The following VPS41 variants were observed in gnomAD, a reference collection of about 807,000 sequenced individuals.
VPS41 encodes VPS41 subunit of HOPS complex, also known as vacuolar protein sorting-associated protein 41 homolog.
Under a neutral mutation model 130.9 loss-of-function variants are expected in VPS41, and 85 were observed. The observed-to-expected ratio is 0.65, with a 90% CI of 0.55 to 0.78. The LOEUF is 0.78. Ranked by LOEUF, VPS41 falls within the 30% of genes least tolerant of loss-of-function variation. The probability of loss-of-function intolerance (pLI) is 0.00; values close to 1 mark genes in which losing one functional copy is unlikely to be tolerated. For synonymous variants in VPS41, 335 were observed against 332.9 expected, an observed-to-expected ratio of 1.01 and a Z score of -0.07; for missense variants, 874 against 1,018.7, an observed-to-expected ratio of 0.86 and a Z score of 1.93.
chr7:38,869,343 T>C (rs1261431891), intron 2 of VPS41, 90 bp from the exon 3 acceptor site: 1 of 824,726 alleles, frequency 1.2e-6, no homozygotes, highest in South Asian at 1.8e-5. Flanking sequence ...GAACCAGAGA[T>C]GGTTCCTTCA....
chr7:38,862,760 G>A, intron 3 of VPS41, 138 bp from the exon 4 acceptor site: 1 of 599,372 alleles, frequency 1.7e-6, no homozygotes, highest in Non-Finnish European at 2.9e-6. Context: ...ATGCCTTGGA[G>A]AAGGCTTGTT....
intron 10 of VPS41, among the ~76,000 whole-genome samples, chr7:38,786,012 G>T (rs926817814): frequency 1.4e-4 from 22 of 152,200 alleles, no homozygotes; most frequent in African/African-American, 4.8e-4. Flanking sequence ...TCCTAGAAAA[G>T]GTGAGCAGCT....
At chr7:38,744,069 C>T (rs190810341) in intron 23 of VPS41, among the ~76,000 whole-genome samples, 28 of 152,312 alleles carry the variant, frequency 1.8e-4, no homozygotes, top group Middle Eastern at 3.4e-3. Context: ...CAACTGCAAA[C>T]TCAACTATCA....
At chr7:38,842,505 A>G (rs898922095) in intron 4 of VPS41, among the ~76,000 whole-genome samples, 1 of 152,194 alleles carries the variant, frequency 6.6e-6, no homozygotes, top group Non-Finnish European at 1.5e-5. Context: ...AATTATTAAG[A>G]GCTGCCCTTT....
In VPS41 at chr7:38,745,755, T is replaced by A. The variant is rs1194746280; in HGVS notation, c.1927-142A>T. The A allele has an allele frequency of 1.2e-5, 8 of 691,976 alleles. No individual in the cohort carries two copies. The East Asian group carries it at 2.1e-4, about 18-fold the overall frequency. The allele number at this position is 691,976 out of a possible 1,614,324, so 42.9% of individuals were successfully genotyped here. ...ACAAAGCAAACAAATAAAGAACACA[T>A]CTCCCTAGAATAGCTGCACTCAGTT... On this transcript the variant is annotated intron_variant, in intron 22 of 28. Transcript: ENST00000310301.
At chr7:38,820,975 T>G (rs1296711596) in intron 6 of VPS41, among the ~76,000 whole-genome samples, 1 of 151,900 alleles carries the variant, frequency 6.6e-6, no homozygotes, top group Non-Finnish European at 1.5e-5. Flanking sequence ...GTGTGAGTGA[T>G]CTCACTCACT....
intron 10 of VPS41, among the ~76,000 whole-genome samples, chr7:38,781,765 A>C (rs1332179622): frequency 6.6e-6 from 1 of 151,970 alleles, no homozygotes; most frequent in Non-Finnish European, 1.5e-5. Context: ...TTCTGAAATG[A>C]GCTTTTATTT....
At chr7:38,856,718 T>C (rs1356303124) in intron 4 of VPS41, among the ~76,000 whole-genome samples, 1 of 152,072 alleles carries the variant, frequency 6.6e-6, no homozygotes, top group Non-Finnish European at 1.5e-5. Context: ...GGGGCCACAC[T>C]ACAAGTGAAA....
At chr7:38,783,745 A>T (rs1584394392) in intron 10 of VPS41, among the ~76,000 whole-genome samples, 2 of 152,344 alleles carry the variant, frequency 1.3e-5, no homozygotes, top group East Asian at 3.9e-4. Flanking sequence ...TCATTTAAAA[A>T]AAAAACTGTT....
At chr7:38,870,516 T>C (rs1437823446) in intron 2 of VPS41, among the ~76,000 whole-genome samples, 7 of 151,874 alleles carry the variant, frequency 4.6e-5, no homozygotes, top group African/African-American at 1.7e-4. Context: ...AACATAACTG[T>C]CTAGTGAAGG....
intron 7 of VPS41, among the ~76,000 whole-genome samples, chr7:38,800,246 G>A (rs1033401491): frequency 1.3e-5 from 2 of 151,384 alleles, no homozygotes; most frequent in East Asian, 1.9e-4. Context: ...AAGCTATGAG[G>A]GCATATTAAA....
At chr7:38,768,913 C>G (rs559197129) in intron 14 of VPS41, among the ~76,000 whole-genome samples, 2 of 152,140 alleles carry the variant, frequency 1.3e-5, no homozygotes, top group Admixed American at 6.5e-5. Flanking sequence ...TACCATCATC[C>G]CAGGATGCCA....
chr7:38,858,195 A>G (rs1415665213), intron 4 of VPS41, among the ~76,000 whole-genome samples: 1 of 152,244 alleles, frequency 6.6e-6, no homozygotes, highest in East Asian at 1.9e-4. Flanking sequence ...ATTTTCCCCA[A>G]AAGAGACAGC....
At chr7:38,855,651 A>G (rs1333124325) in intron 4 of VPS41, among the ~76,000 whole-genome samples, 2 of 152,166 alleles carry the variant, frequency 1.3e-5, no homozygotes, top group Non-Finnish European at 2.9e-5. Context: ...AGGGTGGAAG[A>G]GTAGTGGGCA....
intron 3 of VPS41, among the ~76,000 whole-genome samples, chr7:38,864,976 T>C (rs1309137372): frequency 6.6e-6 from 1 of 152,064 alleles, no homozygotes; most frequent in Non-Finnish European, 1.5e-5. Flanking sequence ...GACTGGACTT[T>C]ATGTAAGGAA....
chr7:38,733,820 T>A (rs1385313871), intron 25 of VPS41, among the ~76,000 whole-genome samples: 1 of 152,196 alleles, frequency 6.6e-6, no homozygotes, highest in Non-Finnish European at 1.5e-5. Context: ...AGCTCACACT[T>A]ATAATCCCAG....
At chr7:38,774,054 T>C in intron 12 of VPS41, 61 bp downstream of exon 12, 1 of 1,448,668 alleles carries the variant, frequency 6.9e-7, no homozygotes, top group Non-Finnish European at 9.4e-7. Flanking sequence ...TTATTGCAAG[T>C]AGGAAGGGGG....
At chr7:38,832,088 T>C (rs1337321225) in intron 4 of VPS41, among the ~76,000 whole-genome samples, 1 of 152,192 alleles carries the variant, frequency 6.6e-6, no homozygotes, top group African/African-American at 2.4e-5. Context: ...TTAAGTCTAT[T>C]GACCAATTAA....
intron 4 of VPS41, among the ~76,000 whole-genome samples, chr7:38,853,566 T>C (rs563057691): frequency 2.8e-4 from 42 of 151,972 alleles, no homozygotes; most frequent in Admixed American, 1.3e-3. Flanking sequence ...ATTCCTCCCC[T>C]AGGTCTACAC....
Sources: gnomAD v4.1 joint callset for allele counts (sites outside exome capture counted in the v4.1 genomes callset) on GRCh38, gnomAD v4.1.1 for gene constraint, MANE v1.5 for transcripts, NCBI Gene and HGNC (gene_info 2026-07-23, HGNC 2026-07-21) for gene names.